The following EBF1 variants were observed in gnomAD, a reference collection of about 807,000 sequenced individuals.
The protein encoded by EBF1 is EBF transcription factor 1.
EBF1 carries 10 observed loss-of-function variants against 68.4 expected under a neutral mutation model. The observed-to-expected ratio is 0.15, with a 90% CI of 0.09 to 0.25. The LOEUF is 0.25. EBF1 is among the 10% of genes least tolerant of loss of function. The pLI, the probability that EBF1 is intolerant of heterozygous loss-of-function variation, is 1.00. For missense variants in EBF1, 509 were observed against 794.4 expected, an observed-to-expected ratio of 0.64 and a Z score of 4.32; for synonymous variants, 298 against 299.8, an observed-to-expected ratio of 0.99 and a Z score of 0.06.
At chr5:158,897,678 C>A (rs1282560550) in intron 6 of EBF1, among the ~76,000 whole-genome samples, 1 of 152,106 alleles carries the variant, frequency 6.6e-6, no homozygotes, top group Non-Finnish European at 1.5e-5. Flanking sequence ...TACTAATTAA[C>A]CACAAGCAAC....
intron 6 of EBF1, among the ~76,000 whole-genome samples, chr5:159,025,997 C>T (rs915127815): frequency 4.6e-5 from 7 of 152,182 alleles, no homozygotes; most frequent in Admixed American, 1.3e-4. Context: ...CGAAACAAAA[C>T]TCACAAATGT....
intron 6 of EBF1, among the ~76,000 whole-genome samples, chr5:158,898,491 T>G (rs1251122183): frequency 2.0e-5 from 3 of 152,228 alleles, no homozygotes; most frequent in African/African-American, 7.2e-5. Context: ...AATGGGATCT[T>G]TCTTTTTATT....
chr5:159,065,872 A>T (rs1258200728), intron 6 of EBF1, among the ~76,000 whole-genome samples: 1 of 152,152 alleles, frequency 6.6e-6, no homozygotes, highest in Non-Finnish European at 1.5e-5. Context: ...ATTTACTTTT[A>T]ATCTATGGCC....
intron 6 of EBF1, among the ~76,000 whole-genome samples, chr5:159,051,413 TC>T (rs1208139418): frequency 1.6e-3 from 45 of 28,886 alleles, no homozygotes; most frequent in Non-Finnish European, 2.7e-3. Context: ...TCCCTCCCCC[TC>T]CCCCCCGCTC....
At chr5:159,074,034 C>T (rs1778295069) in intron 5 of EBF1, among the ~76,000 whole-genome samples, 1 of 152,030 alleles carries the variant, frequency 6.6e-6, no homozygotes, top group South Asian at 2.1e-4. Context: ...AAAGGTAAAA[C>T]ACAATAATTA....
At chr5:158,963,294 A>G (rs1335021072) in intron 6 of EBF1, among the ~76,000 whole-genome samples, 1 of 152,224 alleles carries the variant, frequency 6.6e-6, no homozygotes, top group Non-Finnish European at 1.5e-5. Context: ...CACAAAAAAA[A>G]CAAACATTTT....
Position 158,826,626 on chromosome 5 carries a change from A to T in EBF1, c.637-3309T>A, listed in dbSNP as rs186983083. ...TTAATCACTATATTTTTGGAATGAAATTTCTATTAGGGGGCTTTGCTTCTT... is the reference window on the plus strand; with the variant it reads ...TTAATCACTATATTTTTGGAATGAATTTTCTATTAGGGGGCTTTGCTTCTT... On this transcript the variant is annotated intron_variant, in intron 7 of 15. Transcript: ENST00000313708. Among the ~76,000 whole-genome samples the T allele has an allele frequency of 2.1e-3, 327 of 152,278 alleles. 1 individual carries two copies. The highest frequency in any genetic ancestry group is 3.9e-3 in the Non-Finnish European group (263 of 68,004).
intron 7 of EBF1, 116 bp downstream of exon 7, chr5:158,839,913 C>A (rs1789792061): frequency 2.1e-6 from 2 of 939,480 alleles, no homozygotes; most frequent in Admixed American, 2.0e-5. Context: ...GACCAAGGGC[C>A]TCAGCTGCTC....
intron 7 of EBF1, 102 bp from the exon 8 acceptor site, chr5:158,823,419 C>T: frequency 8.8e-7 from 1 of 1,132,128 alleles, no homozygotes; most frequent in Non-Finnish European, 1.2e-6. Context: ...AAGAAAATTG[C>T]ATAGCTATTT....
At chr5:158,978,174 C>T (rs554622914) in intron 6 of EBF1, among the ~76,000 whole-genome samples, 1 of 152,364 alleles carries the variant, frequency 6.6e-6, no homozygotes, top group Non-Finnish European at 1.5e-5. Flanking sequence ...CTTTCAGCGG[C>T]CCTTCACTTT....
At chr5:158,747,379 C>A (rs1581546870) in intron 10 of EBF1, among the ~76,000 whole-genome samples, 1 of 152,144 alleles carries the variant, frequency 6.6e-6, no homozygotes, top group East Asian at 1.9e-4. Flanking sequence ...ACTGTGGCTG[C>A]TAGTCTTGGG....
chr5:158,768,842 A>T (rs1377556160), intron 10 of EBF1, among the ~76,000 whole-genome samples: 1 of 152,190 alleles, frequency 6.6e-6, no homozygotes, highest in African/African-American at 2.4e-5. Context: ...TGAAGGGTTA[A>T]TTTATCATGA....
At position 158,707,992 on chromosome 5, in the gene EBF1, C is replaced by T. The variant is rs1350397888; in HGVS notation, c.1731G>A (p.Gly577=). 3 of 1,549,540 alleles carry T rather than the reference C, an allele frequency of 1.9e-6. No homozygotes were observed. Among genetic ancestry groups the T allele is most frequent in the African/African-American group, 2.7e-5 (2 of 72,982 alleles). ...CCTGGGGCTTACCTTGCAGGCTGTTCCCGTTGGTGCTGGTGCAGGTGGGAG... is the reference window on the plus strand; with the variant it reads ...CCTGGGGCTTACCTTGCAGGCTGTTTCCGTTGGTGCTGGTGCAGGTGGGAG... ...SPPPTCTSTN[G]NSLQAISGMI... is the part of the protein sequence containing the mutation. The change falls in exon 15 of 16, where the codon GGG becomes GGA. Residue 577 remains glycine, a synonymous_variant. Coordinates refer to ENST00000313708, the MANE Select transcript of EBF1 (RefSeq NM_024007.5).
intron 7 of EBF1, among the ~76,000 whole-genome samples, chr5:158,829,341 T>G (rs79014168): frequency 1.2e-4 from 16 of 134,728 alleles, no homozygotes; most frequent in African/African-American, 4.1e-4. Context: ...ACACTCAGCC[T>G]TTTTTTTTTT....
At chr5:159,064,899 C>CTTTTTTTTT (rs57256923) in intron 6 of EBF1, among the ~76,000 whole-genome samples, 132 of 67,910 alleles carry the variant, frequency 1.9e-3, no homozygotes, top group South Asian at 3.1e-3. Flanking sequence ...CTCTTTTCAT[C>CTTTTTTTTT]TTTTTTTTTT....
rs779077323 is a variant in EBF1, at chr5:159,099,514, C to T, written c.-36G>A. On this transcript the variant is annotated 5_prime_UTR_variant, in exon 1 of 16. Coordinates refer to ENST00000313708, the MANE Select transcript of EBF1 (RefSeq NM_024007.5). ...TTTTCTTGTGGAAAATCTCCTCCCCCTTGAAAAAAATTAAAAAAAAAAAAA... is the reference window on the plus strand; with the variant it reads ...TTTTCTTGTGGAAAATCTCCTCCCCTTTGAAAAAAATTAAAAAAAAAAAAA... The T allele has an allele frequency of 1.5e-6, 2 of 1,342,952 alleles. No individual in the cohort carries two copies. The highest frequency in any genetic ancestry group is 6.7e-5 in the Admixed American group (2 of 29,688). The allele number at this position is 1,342,952 out of a possible 1,614,324, so 83.2% of individuals were successfully genotyped here.
In EBF1 at chr5:158,969,914, AAG is replaced by A. The variant is rs1265454123; in HGVS notation, c.554+103480_554+103481del. On this transcript the variant is annotated intron_variant, in intron 6 of 15. Coordinates refer to ENST00000313708, the MANE Select transcript of EBF1 (RefSeq NM_024007.5). ...AAAGAAAGAAAGAAAGAAAGAAAGA[AAG>A]AAAAAAAAAAAAAAGGCTGCTGGAA... Among the ~76,000 whole-genome samples the A allele has an allele frequency of 1.4e-4, 12 of 86,372 alleles. 1 individual carries two copies. Among genetic ancestry groups the A allele is most frequent in the East Asian group, 4.9e-4 (2 of 4,122 alleles). The allele number at this position is 86,372 out of a possible 152,430, so 56.7% of individuals were successfully genotyped here.
chr5:158,767,636 G>A (rs1773020632), intron 10 of EBF1, among the ~76,000 whole-genome samples: 1 of 151,790 alleles, frequency 6.6e-6, no homozygotes, highest in South Asian at 2.1e-4. Context: ...TGGGGGTGGG[G>A]ATTGCTTTAC....
intron 6 of EBF1, among the ~76,000 whole-genome samples, chr5:158,841,348 C>T (rs940965222): frequency 2.0e-5 from 3 of 152,178 alleles, no homozygotes; most frequent in Non-Finnish European, 2.9e-5. Flanking sequence ...GTAATTAAAC[C>T]TTCTACCTGC....
Sources: allele counts gnomAD v4.1 joint callset (sites outside exome capture counted in the v4.1 genomes callset), GRCh38; gene constraint gnomAD v4.1.1; transcripts MANE v1.5; gene names NCBI Gene and HGNC (gene_info 2026-07-23, HGNC 2026-07-21).